SGCZ: variants seen among roughly 807,000 people sequenced by gnomAD.
The protein encoded by SGCZ is zeta-sarcoglycan.
SGCZ carries 40 observed loss-of-function variants against 41.3 expected under a neutral mutation model. The ratio of observed to expected loss-of-function variants is 0.97; its 90% confidence interval spans 0.75 to 1.26. SGCZ has a LOEUF of 1.26. Among genes scored for constraint, SGCZ ranks in the 50% most tolerant of loss-of-function variants. The pLI, the probability that SGCZ is intolerant of heterozygous loss-of-function variation, is 0.00. For synonymous variants in SGCZ, 206 were observed against 137.5 expected (o/e 1.50, Z -3.49); for missense variants, 552 against 369.8 (o/e 1.49, Z -4.04).
At chr8:14,589,359 A>T (rs1331833537) in intron 1 of SGCZ, among the ~76,000 whole-genome samples, 2 of 151,884 alleles carry the variant, frequency 1.3e-5, no homozygotes, top group African/African-American at 2.4e-5. Flanking sequence ...AAAAAAAAAA[A>T]AAATAGAAAT....
At chr8:15,187,442 A>C (rs1165987581) in intron 1 of SGCZ, among the ~76,000 whole-genome samples, 2 of 152,086 alleles carry the variant, frequency 1.3e-5, no homozygotes, top group African/African-American at 4.8e-5. Flanking sequence ...AGGAGAAAAT[A>C]ATCTCCAGAC....
intron 2 of SGCZ, among the ~76,000 whole-genome samples, chr8:14,506,424 C>T (rs113214159): frequency 6.6e-5 from 10 of 151,922 alleles, no homozygotes; most frequent in African/African-American, 1.9e-4. Context: ...CCCCTCTCTA[C>T]GGTATTATCC....
intron 1 of SGCZ, among the ~76,000 whole-genome samples, chr8:14,673,561 T>G (rs898699699): frequency 6.6e-6 from 1 of 152,098 alleles, no homozygotes; most frequent in Non-Finnish European, 1.5e-5. Context: ...CCAATCCATG[T>G]GGAACTGTGA....
At chr8:15,220,175 A>G (rs1315476736) in intron 1 of SGCZ, among the ~76,000 whole-genome samples, 1 of 152,212 alleles carries the variant, frequency 6.6e-6, no homozygotes, top group Non-Finnish European at 1.5e-5. Flanking sequence ...AGTCTAAACA[A>G]TATACTAAAA....
chr8:14,499,745 T>C (rs555368509), intron 2 of SGCZ, among the ~76,000 whole-genome samples: 7 of 152,132 alleles, frequency 4.6e-5, no homozygotes, highest in South Asian at 2.1e-4. Flanking sequence ...AACACCTGTA[T>C]CTTCCCCTTA....
At chr8:14,244,495 G>C (rs559085845) in intron 3 of SGCZ, among the ~76,000 whole-genome samples, 3 of 152,208 alleles carry the variant, frequency 2.0e-5, no homozygotes, top group Non-Finnish European at 4.4e-5. Flanking sequence ...GGTTACTGTA[G>C]CCTTGTAGTA....
At chr8:14,235,763 C>A (rs1312583354) in intron 4 of SGCZ, among the ~76,000 whole-genome samples, 2 of 152,144 alleles carry the variant, frequency 1.3e-5, no homozygotes, top group Non-Finnish European at 2.9e-5. Context: ...CGGCTCACTG[C>A]AACCTGCGCC....
chr8:15,080,314 C>G (rs919093334), intron 1 of SGCZ, among the ~76,000 whole-genome samples: 1 of 152,002 alleles, frequency 6.6e-6, no homozygotes, highest in Non-Finnish European at 1.5e-5. Context: ...CCTGCCTCAC[C>G]GAAGGACTCT....
chr8:14,879,508 G>A (rs1804496944), intron 1 of SGCZ, among the ~76,000 whole-genome samples: 1 of 151,756 alleles, frequency 6.6e-6, no homozygotes, highest in Non-Finnish European at 1.5e-5. Flanking sequence ...TCCTGATTCA[G>A]CCCATTGTTT....
At chr8:14,139,209 T>C (rs1402587858) in intron 5 of SGCZ, among the ~76,000 whole-genome samples, 4 of 151,998 alleles carry the variant, frequency 2.6e-5, no homozygotes, top group Non-Finnish European at 5.9e-5. Context: ...TAGAGGGAAA[T>C]TTATAGCACT....
intron 5 of SGCZ, among the ~76,000 whole-genome samples, chr8:14,127,196 G>A (rs1802888571): frequency 6.6e-6 from 1 of 151,946 alleles, no homozygotes; most frequent in Non-Finnish European, 1.5e-5. Flanking sequence ...AAATGAGGCT[G>A]AATTATTATT....
intron 1 of SGCZ, among the ~76,000 whole-genome samples, chr8:14,584,985 C>A (rs1265692352): frequency 6.6e-6 from 1 of 152,048 alleles, no homozygotes; most frequent in African/African-American, 2.4e-5. Context: ...GGTACTTTAG[C>A]CAGGTACAAC....
intron 1 of SGCZ, among the ~76,000 whole-genome samples, chr8:14,925,684 G>A (rs547323221): frequency 4.7e-4 from 71 of 152,256 alleles, no homozygotes; most frequent in African/African-American, 1.6e-3. Context: ...GTGTGGCAAG[G>A]TTTGAGTCCC....
chr8:14,293,992 C>G (rs1800930897), intron 3 of SGCZ, among the ~76,000 whole-genome samples: 2 of 151,676 alleles, frequency 1.3e-5, no homozygotes, highest in Admixed American at 6.6e-5. Context: ...AGAGTACTAT[C>G]TTTTCTATTA....
intron 2 of SGCZ, among the ~76,000 whole-genome samples, chr8:14,532,263 G>A (rs934809224): frequency 6.6e-6 from 1 of 151,942 alleles, no homozygotes; most frequent in Non-Finnish European, 1.5e-5. Context: ...AATTTCAATT[G>A]CAAGAATATA....
chr8:14,656,430 TC>T (rs986353364), intron 1 of SGCZ, among the ~76,000 whole-genome samples: 4 of 130,242 alleles, frequency 3.1e-5, no homozygotes, highest in Non-Finnish European at 5.0e-5. Flanking sequence ...CCTTCCTTCC[TC>T]CCCCCTCTAT....
intron 1 of SGCZ, among the ~76,000 whole-genome samples, chr8:14,817,517 A>C (rs891145530): frequency 3.3e-5 from 5 of 152,160 alleles, no homozygotes; most frequent in Non-Finnish European, 5.9e-5. Flanking sequence ...TTTCTAGAGT[A>C]CTTTCTGCCC....
chr8:14,182,867 G>A (rs1218754931), intron 4 of SGCZ, among the ~76,000 whole-genome samples: 1 of 151,866 alleles, frequency 6.6e-6, no homozygotes, highest in African/African-American at 2.4e-5. Context: ...AAAATTAGCT[G>A]AGCGGGGAGG....
At chr8:14,886,509 G>A (rs1247340549) in intron 1 of SGCZ, among the ~76,000 whole-genome samples, 1 of 152,000 alleles carries the variant, frequency 6.6e-6, no homozygotes, top group Non-Finnish European at 1.5e-5. Context: ...AAACACCTCA[G>A]GGAGGTGAGA....
Sources: allele counts gnomAD v4.1 joint callset (sites outside exome capture counted in the v4.1 genomes callset), GRCh38; gene constraint gnomAD v4.1.1; transcripts MANE v1.5; gene names NCBI Gene and HGNC (gene_info 2026-07-23, HGNC 2026-07-21).